Variants in HCRTR2 observed in about 807,000 individuals in gnomAD.
The protein encoded by HCRTR2 is hypocretin receptor 2, also known as orexin receptor type 2.
HCRTR2 carries 22 observed loss-of-function variants against 49.0 expected under a neutral mutation model. That is an observed-to-expected ratio of 0.45 (90% CI 0.32 to 0.64). HCRTR2 has a LOEUF of 0.64. Ranked by LOEUF, HCRTR2 falls within the 30% of genes least tolerant of loss-of-function variation. The pLI is 0.04. For missense variants in HCRTR2, 491 were observed against 559.4 expected (o/e 0.88, Z 1.23); for synonymous variants, 236 against 205.3 (o/e 1.15, Z -1.28).
intron 2 of HCRTR2, among the ~76,000 whole-genome samples, chr6:55,249,189 T>C (rs979206433): frequency 2.6e-5 from 4 of 152,192 alleles, no homozygotes; most frequent in Non-Finnish European, 4.4e-5. Context: ...CTTGAACCAA[T>C]TAATGATTTA....
intron 1 of HCRTR2, among the ~76,000 whole-genome samples, chr6:55,201,709 G>A (rs989813873): frequency 1.3e-5 from 2 of 152,098 alleles, no homozygotes; most frequent in African/African-American, 4.8e-5. Context: ...TGCTTAAGGG[G>A]AATTTGCATA....
At chr6:55,120,824 A>G (rs967794510) in intron 1 of HCRTR2, among the ~76,000 whole-genome samples, 1 of 151,814 alleles carries the variant, frequency 6.6e-6, no homozygotes, top group Non-Finnish European at 1.5e-5. Flanking sequence ...GTTCTGTTCC[A>G]TTGGTCTGTA....
downstream of HCRTR2, chr6:55,282,700 A>G (rs555128622): frequency 9.9e-5 from 40 of 404,896 alleles, no homozygotes; most frequent in East Asian, 1.4e-3. Flanking sequence ...TTTTAGTTTC[A>G]TGTATTAAAA....
intron 1 of HCRTR2, among the ~76,000 whole-genome samples, chr6:55,193,875 G>A (rs993261067): frequency 1.3e-5 from 2 of 151,926 alleles, no homozygotes; most frequent in African/African-American, 4.8e-5. Flanking sequence ...TTCCTCTTCC[G>A]CTCCTCCCTG....
At chr6:55,238,146 A>C (rs191241583) in intron 1 of HCRTR2, among the ~76,000 whole-genome samples, 6 of 152,294 alleles carry the variant, frequency 3.9e-5, no homozygotes, top group African/African-American at 1.2e-4. Context: ...CTCATCTTCT[A>C]TCTACTCTTA....
At chr6:55,128,371 G>A (rs898433774) in intron 1 of HCRTR2, among the ~76,000 whole-genome samples, 11 of 152,092 alleles carry the variant, frequency 7.2e-5, no homozygotes, top group African/African-American at 2.4e-4. Context: ...CACCAGCTTT[G>A]TTCTTTTTGC....
upstream of HCRTR2, among the ~76,000 whole-genome samples, chr6:55,170,089 C>T (rs2127266756): frequency 6.6e-6 from 1 of 151,068 alleles, no homozygotes; most frequent in East Asian, 2.0e-4. Context: ...TTTTCCGTCT[C>T]ATTTTTAATA....
intron 1 of HCRTR2, among the ~76,000 whole-genome samples, chr6:55,233,005 A>G (rs1434249972): frequency 6.6e-6 from 1 of 152,214 alleles, no homozygotes; most frequent in Non-Finnish European, 1.5e-5. Flanking sequence ...ATTTGAAGGA[A>G]TGAATGTCTG....
chr6:55,168,613 T>C (rs1011851653), intron 1 of HCRTR2, among the ~76,000 whole-genome samples: 2 of 152,164 alleles, frequency 1.3e-5, no homozygotes, highest in African/African-American at 4.8e-5. Context: ...TTGCCCAGGC[T>C]GGAGTGCAGT....
At chr6:55,212,754 T>C (rs1765719330) in intron 1 of HCRTR2, among the ~76,000 whole-genome samples, 2 of 152,192 alleles carry the variant, frequency 1.3e-5, no homozygotes, top group South Asian at 4.1e-4. Flanking sequence ...GATTCTTAAA[T>C]AACTAGTGTC....
At chr6:55,251,501 G>C (rs1766549096) in intron 2 of HCRTR2, among the ~76,000 whole-genome samples, 1 of 151,838 alleles carries the variant, frequency 6.6e-6, no homozygotes. Flanking sequence ...CAAGAGCATT[G>C]GTTACTTTTT....
Position 55,184,519 on chromosome 6 carries a change from A to G in HCRTR2, c.223+9709A>G, listed in dbSNP as rs555487465. ...CAACTAAATCCCCACTTCTTTCTAAATTTTCTACAACTTTCTAAACATTCT... is the reference window on the plus strand; with the variant it reads ...CAACTAAATCCCCACTTCTTTCTAAGTTTTCTACAACTTTCTAAACATTCT... On this transcript the variant is annotated intron_variant, in intron 1 of 6. Coordinates refer to ENST00000370862, the MANE Select transcript of HCRTR2 (RefSeq NM_001384272.1). Among the ~76,000 whole-genome samples, 556 of 152,216 alleles carry G rather than the reference A, an allele frequency of 3.7e-3. 6 individuals carry two copies. Among genetic ancestry groups the G allele is most frequent in the African/African-American group, 0.013 (526 of 41,532 alleles).
In HCRTR2 at chr6:55,127,433, T is replaced by C. The variant is rs191457591; in HGVS notation, c.-378+20888T>C. Among the ~76,000 whole-genome samples, 501 of 152,194 alleles carry C rather than the reference T, an allele frequency of 3.3e-3. 1 individual carries two copies. The highest frequency in any genetic ancestry group is 5.8e-3 in the Non-Finnish European group (393 of 68,004). On this transcript the variant is annotated intron_variant, in intron 1 of 7. Transcript: ENST00000615358. ...ACCTGCCCCAATGAGATGAACCAGG[T>C]ACCTCAGCTGGAAATGCAGAAATCA...
intron 1 of HCRTR2, among the ~76,000 whole-genome samples, chr6:55,224,694 A>G (rs9396064): frequency 0.21 from 32,336 of 151,924 alleles, 3,534 homozygotes; most frequent in Non-Finnish European, 0.24. Flanking sequence ...CTTTTAAAAG[A>G]AGGAAACCCT....
Position 55,232,909 on chromosome 6 carries a change from C to T in HCRTR2, c.224-15730C>T, listed in dbSNP as rs377075969. Among the ~76,000 whole-genome samples the T allele has an allele frequency of 3.3e-5, 5 of 152,230 alleles. No individual in the cohort carries two copies. In the East Asian group the frequency reaches 9.7e-4, roughly 29 times the overall value. ...TGCATAAACTTTACCTCTATATTAT[C>T]TGTCTTCAAAAAGAATGATTTTAAA... On this transcript the variant is annotated intron_variant, in intron 1 of 6. Coordinates refer to ENST00000370862, the MANE Select transcript of HCRTR2 (RefSeq NM_001384272.1).
chr6:55,280,582 T>C (rs1767171210), intron 6 of HCRTR2, 138 bp downstream of exon 6: 2 of 1,213,604 alleles, frequency 1.6e-6, no homozygotes, highest in Non-Finnish European at 2.3e-6. Flanking sequence ...CTTGAGTTTC[T>C]TCTCTTTTGA....
rs141693528 is a variant in HCRTR2, at chr6:55,132,837, G to C, written c.-378+26292G>C. 2.6e-5 allele frequency among the ~76,000 whole-genome samples: 4 copies of C among 151,150 alleles called. No homozygotes were observed. The South Asian group carries it at 8.3e-4, about 31-fold the overall frequency. Reference sequence around the variant, plus strand: ...TGGTATTGCTTTATGTTTAGATGGGGTTGATCTTCATGAATCATTCTTTGG... The same window carrying C: ...TGGTATTGCTTTATGTTTAGATGGGCTTGATCTTCATGAATCATTCTTTGG... On this transcript the variant is annotated intron_variant, in intron 1 of 7. Coordinates refer to the HCRTR2 transcript ENST00000615358.
chr6:55,198,190 A>G (rs1765451662), intron 1 of HCRTR2, among the ~76,000 whole-genome samples: 1 of 152,094 alleles, frequency 6.6e-6, no homozygotes, highest in Non-Finnish European at 1.5e-5. Context: ...ACAAACCCCA[A>G]TCTGTATCTC....
intron 1 of HCRTR2, among the ~76,000 whole-genome samples, chr6:55,199,863 C>T (rs1349391073): frequency 1.3e-5 from 2 of 152,120 alleles, no homozygotes; most frequent in Admixed American, 1.3e-4. Flanking sequence ...ATCAGTCAGG[C>T]AAAAATCTAA....
Sources: gnomAD v4.1 joint callset for allele counts (sites outside exome capture counted in the v4.1 genomes callset) on GRCh38, gnomAD v4.1.1 for gene constraint, MANE v1.5 for transcripts, NCBI Gene and HGNC (gene_info 2026-07-23, HGNC 2026-07-21) for gene names.